The following NUDT3 variants were observed in gnomAD, a reference collection of about 807,000 sequenced individuals.
NUDT3 encodes the protein diphosphoinositol polyphosphate phosphohydrolase 1.
A neutral mutation model predicts 23.6 loss-of-function variants in NUDT3; 9 were observed. That is an observed-to-expected ratio of 0.38 (90% CI 0.23 to 0.66). The LOEUF (loss-of-function observed/expected upper bound fraction) is 0.66, where lower values mean the gene tolerates loss of function less well. Ranked by LOEUF, NUDT3 falls within the 30% of genes least tolerant of loss-of-function variation. The probability of loss-of-function intolerance (pLI) is 0.52; values close to 1 mark genes in which losing one functional copy is unlikely to be tolerated. For missense variants in NUDT3, 172 were observed against 218.5 expected (o/e 0.79, Z 1.34); for synonymous variants, 86 against 82.6 (o/e 1.04, Z -0.22).
chr6:34,295,170 C>CTTCT (rs995399725), intron 3 of NUDT3, among the ~76,000 whole-genome samples: 4 of 151,652 alleles, frequency 2.6e-5, no homozygotes, highest in Admixed American at 1.3e-4. Flanking sequence ...ATGGGATTTC[C>CTTCT]TTCTTTCTTT....
At chr6:34,306,028 T>C (rs80032368) in intron 2 of NUDT3, among the ~76,000 whole-genome samples, 1 of 152,236 alleles carries the variant, frequency 6.6e-6, no homozygotes. Context: ...CATATCTATG[T>C]GCTCAATCTT....
chr6:34,280,775 GA>G lies in NUDT3; in HGVS notation c.*7977del, dbSNP rs1464796606. Reference sequence around the variant, plus strand: ...ATGAACAGCAGCAGAGTTCTGGTGGGATAGAGCAGTCTAGTCTGAGCCACTG... The same window carrying G: ...ATGAACAGCAGCAGAGTTCTGGTGGGTAGAGCAGTCTAGTCTGAGCCACTG... On this transcript the variant is annotated 3_prime_UTR_variant, in exon 5 of 5. Coordinates refer to ENST00000607016, the MANE Select transcript of NUDT3 (RefSeq NM_006703.4). 2.0e-5 allele frequency: 3 copies of G among 152,198 alleles called. No individual in the cohort carries two copies. Among genetic ancestry groups the G allele is most frequent in the Non-Finnish European group, 4.4e-5 (3 of 68,040 alleles). The allele number at this position is 152,198 out of a possible 1,614,324, so 9.4% of individuals were successfully genotyped here.
At chr6:34,352,575 C>T (rs1489633337) in intron 1 of NUDT3, among the ~76,000 whole-genome samples, 7 of 152,176 alleles carry the variant, frequency 4.6e-5, no homozygotes, top group Non-Finnish European at 1.5e-5. Context: ...TGTAAAATCC[C>T]TGCTCATCAA....
chr6:34,336,446 C>A (rs1367622704), intron 2 of NUDT3, among the ~76,000 whole-genome samples: 2 of 151,858 alleles, frequency 1.3e-5, no homozygotes, highest in Admixed American at 6.6e-5. Context: ...CTGTTGAATT[C>A]TTTGTATATA....
rs1376853367 is a variant in NUDT3, at chr6:34,279,811, T to C, written c.*8942A>G. The C allele has an allele frequency of 6.6e-6, 1 of 152,230 alleles. No individual in the cohort carries two copies. Among genetic ancestry groups the C allele is most frequent in the African/African-American group, 2.4e-5 (1 of 41,456 alleles). 9.4% of individuals were successfully genotyped at this position (152,230 alleles called of 1,614,324 possible). A position where few individuals can be genotyped will look rare whatever the true frequency, so the allele number is the denominator to read the frequency against. ...GAAAGGAACGGCAGGCTCACAGGTT[T>C]AAGCATTTGTTTTTACAAAAAGGAG... is the stretch of plus-strand genomic sequence containing the variant. On this transcript the variant is annotated 3_prime_UTR_variant, in exon 5 of 5. Coordinates refer to ENST00000607016, the MANE Select transcript of NUDT3 (RefSeq NM_006703.4).
intron 2 of NUDT3, among the ~76,000 whole-genome samples, chr6:34,323,731 TAAC>T (rs1291575517): frequency 6.6e-6 from 1 of 152,116 alleles, no homozygotes; most frequent in Non-Finnish European, 1.5e-5. Context: ...GCCAAAAAAG[TAAC>T]AATATAGAAA....
chr6:34,377,443 T>A (rs1764942322), intron 1 of NUDT3, among the ~76,000 whole-genome samples: 1 of 152,192 alleles, frequency 6.6e-6, no homozygotes, highest in Admixed American at 6.6e-5. Flanking sequence ...AAATTCATTT[T>A]AAAAAATCTG....
chr6:34,313,543 A>T (rs1459086335), intron 2 of NUDT3, among the ~76,000 whole-genome samples: 3 of 152,258 alleles, frequency 2.0e-5, no homozygotes, highest in Non-Finnish European at 4.4e-5. Flanking sequence ...CATTGACCGT[A>T]GCAAATGTAC....
chr6:34,304,605 C>T (rs114842774), intron 2 of NUDT3, among the ~76,000 whole-genome samples: 1,618 of 151,286 alleles, frequency 0.011, 30 homozygotes, highest in African/African-American at 0.037. Context: ...GTGATTACTA[C>T]TTAATTTAAG....
intron 2 of NUDT3, among the ~76,000 whole-genome samples, chr6:34,297,718 T>TAAAAAA (rs200099331): frequency 8.9e-5 from 7 of 78,768 alleles, no homozygotes; most frequent in African/African-American, 2.9e-4. Flanking sequence ...CCGGCTAATG[T>TAAAAAA]AAAAAAAAAA....
chr6:34,318,579 T>A (rs1220716230), intron 2 of NUDT3, among the ~76,000 whole-genome samples: 1 of 152,212 alleles, frequency 6.6e-6, no homozygotes, highest in Non-Finnish European at 1.5e-5. Context: ...TTTCCTATAT[T>A]ATTTTTAAAC....
intron 1 of NUDT3, among the ~76,000 whole-genome samples, chr6:34,379,326 A>G (rs979224397): frequency 2.0e-5 from 3 of 152,124 alleles, no homozygotes; most frequent in African/African-American, 7.2e-5. Context: ...TTGGGAGGCC[A>G]AGGTGGGCAG....
chr6:34,294,582 C>CA (rs1394267818), intron 3 of NUDT3, among the ~76,000 whole-genome samples: 1 of 151,862 alleles, frequency 6.6e-6, no homozygotes, highest in African/African-American at 2.4e-5. Context: ...AAAAACTGGC[C>CA]AGATGTGGTG....
At chr6:34,354,735 G>GTATATATATATATA (rs142735114) in intron 1 of NUDT3, among the ~76,000 whole-genome samples, 1 of 120,688 alleles carries the variant, frequency 8.3e-6, no homozygotes, top group Non-Finnish European at 1.9e-5. Context: ...GGGGGAAAAA[G>GTATATATATATATA]TATATATATA....
chr6:34,354,278 TG>T (rs1214397855), intron 1 of NUDT3, among the ~76,000 whole-genome samples: 1 of 152,010 alleles, frequency 6.6e-6, no homozygotes, highest in Non-Finnish European at 1.5e-5. Flanking sequence ...GCCAAAGTGC[TG>T]GGATTACAGG....
At chr6:34,377,021 C>T (rs1008993261) in intron 1 of NUDT3, among the ~76,000 whole-genome samples, 21 of 152,116 alleles carry the variant, frequency 1.4e-4, no homozygotes, top group African/African-American at 4.3e-4. Flanking sequence ...CTCCTTTCTA[C>T]GTAAATCCTA....
chr6:34,364,836 A>G (rs1329948060), intron 1 of NUDT3, among the ~76,000 whole-genome samples: 1 of 150,986 alleles, frequency 6.6e-6, no homozygotes, highest in African/African-American at 2.4e-5. Flanking sequence ...GATCGAGACC[A>G]CAGTGAAACC....
chr6:34,335,715 TA>T (rs201954004), intron 2 of NUDT3, among the ~76,000 whole-genome samples: 62 of 143,774 alleles, frequency 4.3e-4, no homozygotes, highest in East Asian at 6.0e-4. Context: ...CAGGAGTTTG[TA>T]AAAAAAAAAA....
chr6:34,313,960 G>T (rs1763819527), intron 2 of NUDT3, among the ~76,000 whole-genome samples: 1 of 151,532 alleles, frequency 6.6e-6, no homozygotes, highest in Non-Finnish European at 1.5e-5. Flanking sequence ...AGCCAGGCGT[G>T]GTGGCACATG....
Sources: gnomAD v4.1 joint callset for allele counts (sites outside exome capture counted in the v4.1 genomes callset) on GRCh38, gnomAD v4.1.1 for gene constraint, MANE v1.5 for transcripts, NCBI Gene and HGNC (gene_info 2026-07-23, HGNC 2026-07-21) for gene names.